ZSCAN25: variants seen among roughly 807,000 people sequenced by gnomAD.
The protein encoded by ZSCAN25 is zinc finger and SCAN domain-containing protein 25.
Under a neutral mutation model 38.7 loss-of-function variants are expected in ZSCAN25, and 27 were observed. The observed-to-expected ratio is 0.70, with a 90% CI of 0.51 to 0.96. ZSCAN25 has a LOEUF of 0.96. ZSCAN25 is among the 40% of genes least tolerant of loss of function. ZSCAN25 has a pLI of 0.00. For missense variants in ZSCAN25, 637 were observed against 705.9 expected (o/e 0.90, Z 1.11); for synonymous variants, 273 against 277.7 (o/e 0.98, Z 0.17).
the ZSCAN25 span, chr7:99,647,941 C>A: frequency 1.0e-6 from 1 of 983,700 alleles, no homozygotes; most frequent in South Asian, 4.7e-5. Flanking sequence ...TTAGAGTCAT[C>A]ATGATAATTC....
At chr7:99,701,995 G>A in the ZSCAN25 span, among the ~76,000 whole-genome samples, 2 of 151,780 alleles carry the variant, frequency 1.3e-5, no homozygotes, top group Non-Finnish European at 1.5e-5. Flanking sequence ...TGCTTGTGGG[G>A]TATTACTTCA....
the ZSCAN25 span, chr7:99,660,311 A>G: frequency 8.7e-7 from 1 of 1,147,096 alleles, no homozygotes; most frequent in Non-Finnish European, 1.1e-6. Context: ...CAAAGATCTT[A>G]TGCTTCTGCC....
Position 99,630,113 on chromosome 7 carries a change from C to T in ZSCAN25, c.*93C>T. 6 of 1,434,098 alleles carry T rather than the reference C, an allele frequency of 4.2e-6. No individual in the cohort carries two copies. Among genetic ancestry groups the T allele is most frequent in the Non-Finnish European group, 5.5e-6 (6 of 1,096,152 alleles). 88.8% of individuals were successfully genotyped at this position (1,434,098 alleles called of 1,614,324 possible). A position where few individuals can be genotyped will look rare whatever the true frequency, so the allele number is the denominator to read the frequency against. ...GATGGCTGCAGGAAAGCACTGGTCC[C>T]ATCGCCTTCCCACCCATTCGCCAAC... On this transcript the variant is annotated 3_prime_UTR_variant, in exon 8 of 8. Coordinates refer to ENST00000394152, the MANE Select transcript of ZSCAN25 (RefSeq NM_145115.3).
chr7:99,638,742 G>T, the ZSCAN25 span: 2 of 1,171,376 alleles, frequency 1.7e-6, no homozygotes, highest in Non-Finnish European at 2.6e-6. Context: ...TGTTCCCGAA[G>T]ATTTTGCATA....
At chr7:99,707,984 T>C in the ZSCAN25 span, 1 of 1,613,712 alleles carries the variant, frequency 6.2e-7, no homozygotes, top group Non-Finnish European at 8.5e-7. Context: ...CCTGGTTCCA[T>C]ATTGGTAGAT....
At chr7:99,668,213 T>C in the ZSCAN25 span, among the ~76,000 whole-genome samples, 1 of 152,198 alleles carries the variant, frequency 6.6e-6, no homozygotes, top group Non-Finnish European at 1.5e-5. Context: ...ATTTCTGGTG[T>C]AAATCTAACA....
At chr7:99,652,445 C>A in the ZSCAN25 span, 10 of 728,972 alleles carry the variant, frequency 1.4e-5, no homozygotes, top group Non-Finnish European at 1.5e-5. Context: ...AAAAGACTTA[C>A]AAGCAAATGA....
chr7:99,648,321 G>T, the ZSCAN25 span: 9 of 1,612,938 alleles, frequency 5.6e-6, no homozygotes, highest in East Asian at 2.0e-4. Context: ...TCCACTTAGG[G>T]TTCCATCTCT....
the ZSCAN25 span, among the ~76,000 whole-genome samples, chr7:99,679,575 T>C: frequency 6.6e-6 from 1 of 152,206 alleles, no homozygotes. Flanking sequence ...AATCAAATCA[T>C]TCCCACTACC....
At chr7:99,635,574 C>A (rs530890829), downstream of ZSCAN25, among the ~76,000 whole-genome samples, 1 of 152,048 alleles carries the variant, frequency 6.6e-6, no homozygotes, top group Admixed American at 6.6e-5. Flanking sequence ...ATTTCCTTCC[C>A]CCTCCCCCAT....
At chr7:99,685,782 G>A in the ZSCAN25 span, among the ~76,000 whole-genome samples, 1 of 152,212 alleles carries the variant, frequency 6.6e-6, no homozygotes, top group Non-Finnish European at 1.5e-5. Flanking sequence ...GTCACCTAGT[G>A]TCGAGGTCTT....
chr7:99,722,355 G>C, the ZSCAN25 span: 4 of 1,613,288 alleles, frequency 2.5e-6, no homozygotes, highest in Admixed American at 6.7e-5. Context: ...AGCCCTGGGA[G>C]GAGAAACAAA....
chr7:99,686,370 G>A, the ZSCAN25 span, among the ~76,000 whole-genome samples: 8 of 152,200 alleles, frequency 5.3e-5, no homozygotes, highest in African/African-American at 1.9e-4. Context: ...CCTGCACATG[G>A]CTCGGAGGGT....
chr7:99,708,451 C>T, the ZSCAN25 span, among the ~76,000 whole-genome samples: 14 of 152,108 alleles, frequency 9.2e-5, no homozygotes, highest in East Asian at 7.7e-4. Context: ...CTTCTCCTCC[C>T]TACCTTGTCT....
chr7:99,647,614 G>C, the ZSCAN25 span: 1 of 985,230 alleles, frequency 1.0e-6, no homozygotes, highest in Non-Finnish European at 1.2e-6. Context: ...GCTTCGTTGA[G>C]TGTTACAAAA....
At chr7:99,657,931 G>T in the ZSCAN25 span, among the ~76,000 whole-genome samples, 1 of 152,052 alleles carries the variant, frequency 6.6e-6, no homozygotes, top group South Asian at 2.1e-4. Flanking sequence ...TTGTCCATTT[G>T]CTTGGTAGAT....
chr7:99,705,350 A>G, the ZSCAN25 span: 7 of 850,280 alleles, frequency 8.2e-6, no homozygotes, highest in Middle Eastern at 2.3e-4. Context: ...ATGAGAGAGC[A>G]CAATGCACGT....
At chr7:99,655,362 C>T in the ZSCAN25 span, among the ~76,000 whole-genome samples, 2 of 152,168 alleles carry the variant, frequency 1.3e-5, no homozygotes, top group African/African-American at 4.8e-5. Context: ...TTGTTTTTGT[C>T]AGGTTTGTCA....
chr7:99,686,755 C>G, the ZSCAN25 span, among the ~76,000 whole-genome samples: 1 of 150,932 alleles, frequency 6.6e-6, no homozygotes, highest in Non-Finnish European at 1.5e-5. Context: ...GAGGCACCCC[C>G]CCCCCAGTAG....
Sources: gnomAD v4.1 joint callset for allele counts (sites outside exome capture counted in the v4.1 genomes callset) on GRCh38, gnomAD v4.1.1 for gene constraint, MANE v1.5 for transcripts, NCBI Gene and HGNC (gene_info 2026-07-23, HGNC 2026-07-21) for gene names.